The following TLK2 variants were observed in gnomAD, a reference collection of about 807,000 sequenced individuals.
The protein encoded by TLK2 is tousled like kinase 2.
Under a neutral mutation model 117.3 loss-of-function variants are expected in TLK2, and 6 were observed. The ratio of observed to expected loss-of-function variants is 0.05; its 90% CI spans 0.03 to 0.10. The LOEUF (loss-of-function observed/expected upper bound fraction) is 0.10. TLK2 is among the 10% of genes least tolerant of loss of function. TLK2 has a pLI of 1.00. For synonymous variants in TLK2, 257 were observed against 316.7 expected, an observed-to-expected ratio of 0.81 and a Z score of 2.00; for missense variants, 299 against 901.2, an observed-to-expected ratio of 0.33 and a Z score of 8.56.
chr17:62,575,996 G>T (rs1043978952), intron 12 of TLK2, among the ~76,000 whole-genome samples: 3 of 152,130 alleles, frequency 2.0e-5, no homozygotes, highest in African/African-American at 7.2e-5. Flanking sequence ...CTGGCCACTT[G>T]TTCATTCTTG....
At chr17:62,494,771 T>A (rs1369513936) in intron 2 of TLK2, among the ~76,000 whole-genome samples, 1 of 152,298 alleles carries the variant, frequency 6.6e-6, no homozygotes, top group South Asian at 2.1e-4. Context: ...CTATGGCACA[T>A]AGCTGAGGAT....
intron 11 of TLK2, 23 bp downstream of exon 11, chr17:62,565,160 A>G: frequency 6.3e-7 from 1 of 1,589,788 alleles, no homozygotes; most frequent in Non-Finnish European, 8.5e-7. Context: ...TTATGATTAA[A>G]TGGAGAATTG....
chr17:62,578,692 T>C (rs1268622157), intron 14 of TLK2, 118 bp downstream of exon 14: 2 of 739,274 alleles, frequency 2.7e-6, no homozygotes, highest in African/African-American at 3.5e-5. Context: ...CCATGGTGTA[T>C]TTAGCTCTTT....
intron 2 of TLK2, among the ~76,000 whole-genome samples, chr17:62,513,634 C>G (rs1381264111): frequency 6.6e-6 from 1 of 151,954 alleles, no homozygotes; most frequent in Non-Finnish European, 1.5e-5. Context: ...TATTAAATTG[C>G]TTTTATACTT....
intron 9 of TLK2, among the ~76,000 whole-genome samples, chr17:62,555,553 G>A (rs1383185297): frequency 6.8e-6 from 1 of 147,120 alleles, no homozygotes; most frequent in East Asian, 2.0e-4. Flanking sequence ...CGTGATCTCA[G>A]CTCACTGCAA....
intron 17 of TLK2, 94 bp from the exon 18 acceptor site, chr17:62,600,557 C>A: frequency 3.9e-6 from 4 of 1,016,938 alleles, no homozygotes; most frequent in South Asian, 1.9e-5. Context: ...GAGTGAGAAG[C>A]TGATGACCTG....
At chr17:62,561,151 C>T (rs1393971398) in intron 10 of TLK2, among the ~76,000 whole-genome samples, 2 of 152,196 alleles carry the variant, frequency 1.3e-5, no homozygotes, top group Non-Finnish European at 2.9e-5. Context: ...CTACAAAGGA[C>T]ATGAACTCAT....
chr17:62,563,303 G>A (rs922590533), intron 10 of TLK2, among the ~76,000 whole-genome samples: 3 of 152,182 alleles, frequency 2.0e-5, no homozygotes, highest in African/African-American at 7.2e-5. Flanking sequence ...AATTAGCTGG[G>A]TGTGGTGGCA....
chr17:62,506,928 T>C (rs1242670225), intron 2 of TLK2, among the ~76,000 whole-genome samples: 2 of 152,218 alleles, frequency 1.3e-5, no homozygotes, highest in Admixed American at 1.3e-4. Context: ...AATTTTCAGT[T>C]ATATAAAGAA....
intron 16 of TLK2, among the ~76,000 whole-genome samples, chr17:62,596,310 G>A (rs949065075): frequency 6.6e-6 from 1 of 152,038 alleles, no homozygotes; most frequent in South Asian, 2.1e-4. Context: ...TCTTGACCTC[G>A]TGATCCACCT....
Position 62,478,896 on chromosome 17 carries a change from C to G in TLK2, c.-400C>G, listed in dbSNP as rs1336419091. The G allele has an allele frequency of 8.0e-6, 1 of 124,756 alleles. No homozygotes were observed. Among genetic ancestry groups the G allele is most frequent in the Non-Finnish European group, 1.7e-5 (1 of 57,426 alleles). 7.7% of individuals were successfully genotyped at this position (124,756 alleles called of 1,614,324 possible). A position where few individuals can be genotyped will look rare whatever the true frequency, so the allele number is the denominator to read the frequency against. On this transcript the variant is annotated 5_prime_UTR_variant, in exon 1 of 22. Transcript: ENST00000346027. ...GGTCCTGGGCACCAGCGGTTCCGAC[C>G]CCCCCGCCCTCCGCGCCGCACCCGA...
At chr17:62,486,052 C>T (rs2072333577) in intron 2 of TLK2, among the ~76,000 whole-genome samples, 1 of 152,000 alleles carries the variant, frequency 6.6e-6, no homozygotes, top group African/African-American at 2.4e-5. Flanking sequence ...GATCTCCTGA[C>T]CTCGTGATCT....
At chr17:62,551,916 A>G (rs578048395) in intron 7 of TLK2, 2 of 298,416 alleles carry the variant, frequency 6.7e-6, no homozygotes, top group Non-Finnish European at 6.5e-6. Context: ...ATAGTGGTTC[A>G]CAGTCCTTTA....
At chr17:62,546,414 G>GTTTCATTTTCTGTTTC (rs2077945275) in intron 7 of TLK2, among the ~76,000 whole-genome samples, 1 of 120,626 alleles carries the variant, frequency 8.3e-6, no homozygotes, top group African/African-American at 3.0e-5. Flanking sequence ...CTGTTTCTTT[G>GTTTCATTTTCTGTTTC]ATTATTTCAT....
chr17:62,541,599 T>C (rs1487087311), intron 7 of TLK2, among the ~76,000 whole-genome samples: 2 of 152,236 alleles, frequency 1.3e-5, no homozygotes, highest in Non-Finnish European at 2.9e-5. Context: ...TGTTTTAACA[T>C]AGGAAATTTG....
In TLK2 at chr17:62,518,004, A is replaced by G. The variant is rs145341076; in HGVS notation, c.82-2769A>G. On this transcript the variant is annotated intron_variant, in intron 2 of 21. Transcript: ENST00000346027. Reference sequence around the variant, plus strand: ...TGAGCCATTGCGTCCGGCATGTAGTAAGTTTTGAAATCAGGAAGTGTGGGA... The same window carrying G: ...TGAGCCATTGCGTCCGGCATGTAGTGAGTTTTGAAATCAGGAAGTGTGGGA... Among the ~76,000 whole-genome samples, 37 of 152,296 alleles carry G rather than the reference A, an allele frequency of 2.4e-4. No homozygotes were observed. The East Asian group carries it at 6.6e-3, about 27-fold the overall frequency.
chr17:62,511,040 C>T (rs531749039), intron 2 of TLK2, among the ~76,000 whole-genome samples: 2 of 152,096 alleles, frequency 1.3e-5, no homozygotes, highest in Non-Finnish European at 1.5e-5. Context: ...GTTCATGCAC[C>T]GTGCATCTCT....
At chr17:62,542,524 G>A (rs1279290528) in intron 7 of TLK2, among the ~76,000 whole-genome samples, 1 of 152,108 alleles carries the variant, frequency 6.6e-6, no homozygotes, top group East Asian at 1.9e-4. Flanking sequence ...TACAGTATGA[G>A]TGTTTGATAT....
intron 2 of TLK2, among the ~76,000 whole-genome samples, chr17:62,497,572 C>G (rs2144862683): frequency 6.6e-6 from 1 of 152,206 alleles, no homozygotes; most frequent in African/African-American, 2.4e-5. Context: ...CTTTATTTCT[C>G]CAATTTTATT....
Sources: gnomAD v4.1 joint callset for allele counts (sites outside exome capture counted in the v4.1 genomes callset) on GRCh38, gnomAD v4.1.1 for gene constraint, MANE v1.5 for transcripts, NCBI Gene and HGNC (gene_info 2026-07-23, HGNC 2026-07-21) for gene names.